Variants in RASGRP1 observed in about 807,000 individuals in gnomAD.
The protein encoded by RASGRP1 is RAS guanyl releasing protein 1.
Under a neutral mutation model 95.1 loss-of-function variants are expected in RASGRP1, and 37 were observed. The observed-to-expected ratio is 0.39, with a 90% confidence interval of 0.30 to 0.51. RASGRP1 has a LOEUF of 0.51. Among genes scored for constraint, RASGRP1 ranks in the 20% least tolerant of loss-of-function variants. The pLI is 0.80. For synonymous variants in RASGRP1, 325 were observed against 353.4 expected, an observed-to-expected ratio of 0.92 and a Z score of 0.90; for missense variants, 711 against 965.4, an observed-to-expected ratio of 0.74 and a Z score of 3.49.
intron 7 of RASGRP1, among the ~76,000 whole-genome samples, 193 bp from the exon 8 acceptor site, chr15:38,511,913 G>T (rs1209182465): frequency 1.3e-5 from 2 of 152,144 alleles, no homozygotes; most frequent in Non-Finnish European, 2.9e-5. Context: ...CATCTGGGAG[G>T]CATTACATCT....
At chr15:38,496,704 A>T (rs1218769321) in intron 15 of RASGRP1, among the ~76,000 whole-genome samples, 1 of 152,242 alleles carries the variant, frequency 6.6e-6, no homozygotes, top group Non-Finnish European at 1.5e-5. Context: ...AAACACCCCA[A>T]AAGTTTGAAG....
chr15:38,530,413 T>C (rs1351881128), intron 2 of RASGRP1, among the ~76,000 whole-genome samples: 3 of 152,116 alleles, frequency 2.0e-5, no homozygotes, highest in South Asian at 4.2e-4. Context: ...AGCACTGACA[T>C]AGAGAAGGTA....
chr15:38,506,633 T>TC (rs1555400572), intron 9 of RASGRP1, among the ~76,000 whole-genome samples: 1 of 71,974 alleles, frequency 1.4e-5, no homozygotes, highest in Non-Finnish European at 2.4e-5. Context: ...AGACCTTGTC[T>TC]CCAAAAAAAA....
At chr15:38,543,483 ATTCTTT>A (rs1892982383) in intron 2 of RASGRP1, among the ~76,000 whole-genome samples, 1 of 150,404 alleles carries the variant, frequency 6.6e-6, no homozygotes, top group East Asian at 1.9e-4. Context: ...TTTCCACTTC[ATTCTTT>A]TTCAAGATTC....
Position 38,494,699 on chromosome 15 carries a change from G to A in RASGRP1, c.1942C>T (p.Arg648Trp), listed in dbSNP as rs759232410. The change falls in exon 16 of 17, where the codon CGG becomes TGG. Residue 648 changes from arginine (R) to tryptophan (W), a missense_variant. Arg to Trp is a moderately radical substitution (Grantham distance 101). This residue lies in a region of RASGRP1 where 212 missense variants were observed against 247.8 expected (regional missense o/e 0.86). Coordinates refer to ENST00000310803, the MANE Select transcript of RASGRP1 (RefSeq NM_005739.4). ...AVEHGEESKD[R>W]TIMLMGVSSQ... ...GACACTCCCATCAGCATGATGGTCC[G>A]ATCCTTACTCTCCTCACCATGTTCC... 6.5e-6 allele frequency: 10 copies of A among 1,527,110 alleles called. No homozygotes were observed. The South Asian group carries it at 6.6e-5, about 10-fold the overall frequency. The allele number at this position is 1,527,110 out of a possible 1,614,324, so 94.6% of individuals were successfully genotyped here.
intron 3 of RASGRP1, among the ~76,000 whole-genome samples, chr15:38,523,319 G>C (rs977837030): frequency 1.3e-5 from 2 of 152,056 alleles, no homozygotes; most frequent in African/African-American, 4.8e-5. Flanking sequence ...CCCAATATAG[G>C]CCTAGGCTAC....
chr15:38,501,751 T>G (rs555732264), intron 12 of RASGRP1, among the ~76,000 whole-genome samples: 2 of 152,246 alleles, frequency 1.3e-5, no homozygotes, highest in African/African-American at 4.8e-5. Context: ...ATTAGTTGTT[T>G]CCCAAAATCT....
At chr15:38,507,512 G>T (rs1292435170) in intron 9 of RASGRP1, among the ~76,000 whole-genome samples, 1 of 152,036 alleles carries the variant, frequency 6.6e-6, no homozygotes, top group Non-Finnish European at 1.5e-5. Flanking sequence ...CCACCACCTG[G>T]GTCTGAATCA....
In RASGRP1 at chr15:38,519,355, C is replaced by T. The variant is rs1407594457; in HGVS notation, c.343G>A (p.Ala115Thr). ...AGGCAAAGTCCTGGTGAATTCTTTG[C>T]CAAAGCATCCTTATAGGTAGGGCTG... ...KVITLYKDAL[A>T]KNSPGLCLKI... is the part of the protein sequence containing the mutation. Residue 115 changes from alanine to threonine, a missense_variant, in exon 4 of 17, where the codon GCA (alanine) becomes ACA (threonine). Transcript: ENST00000310803. 3.3e-6 allele frequency: 5 copies of T among 1,527,382 alleles called. No individual in the cohort carries two copies. The South Asian group carries it at 5.6e-5, about 17-fold the overall frequency. 94.6% of individuals were successfully genotyped at this position (1,527,382 alleles called of 1,614,324 possible). A position where few individuals can be genotyped will look rare whatever the true frequency, so the allele number is the denominator to read the frequency against.
At chr15:38,509,833 C>T (rs1891428125) in intron 8 of RASGRP1, among the ~76,000 whole-genome samples, 1 of 152,158 alleles carries the variant, frequency 6.6e-6, no homozygotes, top group Non-Finnish European at 1.5e-5. Flanking sequence ...GACAAAACCT[C>T]AGATAAGGGG....
chr15:38,559,740 T>G (rs946033068), intron 2 of RASGRP1, 81 bp downstream of exon 2: 124 of 1,388,824 alleles, frequency 8.9e-5, no homozygotes, highest in Non-Finnish European at 1.2e-4. Context: ...ACAATCTAGA[T>G]TGCTGTTCCG....
intron 2 of RASGRP1, among the ~76,000 whole-genome samples, chr15:38,544,435 T>A (rs898007116): frequency 1.3e-5 from 2 of 152,226 alleles, no homozygotes; most frequent in African/African-American, 4.8e-5. Context: ...AATTTAATAT[T>A]GTCATTGTAA....
At chr15:38,539,077 A>C (rs934958700) in intron 2 of RASGRP1, among the ~76,000 whole-genome samples, 1 of 152,194 alleles carries the variant, frequency 6.6e-6, no homozygotes, top group Non-Finnish European at 1.5e-5. Context: ...GAGGAAACAG[A>C]GAGTAAGGTG....
chr15:38,564,720 C>T lies in RASGRP1; in HGVS notation c.-92G>A, dbSNP rs1595891065. 9.1e-7 allele frequency: 1 copy of T among 1,102,282 alleles called. No homozygotes were observed. Among genetic ancestry groups the T allele is most frequent in the South Asian group, 4.4e-5 (1 of 22,512 alleles). The allele number at this position is 1,102,282 out of a possible 1,614,324, so 68.3% of individuals were successfully genotyped here. On this transcript the variant is annotated 5_prime_UTR_variant, in exon 1 of 17. Transcript: ENST00000310803. The stretch of plus-strand genomic sequence containing the variant: ...ACCACCGCCGCCGCCTGCCGGCTCT[C>T]TCCCCCCCGGGCCTCGTAGCCCCGG...
At chr15:38,529,055 G>A (rs1291662259) in intron 2 of RASGRP1, among the ~76,000 whole-genome samples, 3 of 152,064 alleles carry the variant, frequency 2.0e-5, no homozygotes, top group African/African-American at 7.2e-5. Flanking sequence ...AATCCATCAG[G>A]AAGTCTTGAT....
intron 2 of RASGRP1, among the ~76,000 whole-genome samples, chr15:38,557,851 A>G (rs1893631868): frequency 6.6e-6 from 1 of 152,118 alleles, no homozygotes; most frequent in Admixed American, 6.5e-5. Context: ...TCAGTTCAAC[A>G]TATTCCAGAA....
At chr15:38,517,810 G>A (rs1891847782) in intron 5 of RASGRP1, among the ~76,000 whole-genome samples, 1 of 152,124 alleles carries the variant, frequency 6.6e-6, no homozygotes, top group Non-Finnish European at 1.5e-5. Context: ...AGAATTCCAA[G>A]GAATAATTTA....
intron 1 of RASGRP1, 88 bp from the exon 2 acceptor site, chr15:38,560,093 C>A (rs1467200100): frequency 9.1e-6 from 11 of 1,215,280 alleles, no homozygotes; most frequent in Middle Eastern, 2.2e-4. Flanking sequence ...GGAGATAAGA[C>A]AATTAATCTC....
At chr15:38,494,253 C>A in intron 16 of RASGRP1, 129 bp downstream of exon 16, 1 of 1,209,664 alleles carries the variant, frequency 8.3e-7, no homozygotes. Flanking sequence ...CTGTTTCTCC[C>A]CTCCTCCTTT....
Sources: gnomAD v4.1 joint callset for allele counts (sites outside exome capture counted in the v4.1 genomes callset) on GRCh38, gnomAD v4.1.1 for gene constraint, gnomAD v4.1.1 regional missense constraint, MANE v1.5 for transcripts, NCBI Gene and HGNC (gene_info 2026-07-23, HGNC 2026-07-21) for gene names.